PDC: variants seen among roughly 807,000 people sequenced by gnomAD.
The protein encoded by PDC is phosducin, also known as 33 kDa phototransducing protein.
A neutral mutation model predicts 22.2 loss-of-function variants in PDC; 19 were observed. That is an observed-to-expected ratio of 0.86 (90% CI 0.60 to 1.26). The LOEUF is 1.26. Ranked by LOEUF, PDC falls within the 50% of genes most tolerant of loss-of-function variation. The probability of loss-of-function intolerance (pLI) is 0.00; values close to 1 mark genes in which losing one functional copy is unlikely to be tolerated. For synonymous variants in PDC, 97 were observed against 96.2 expected (o/e 1.01, Z -0.05); for missense variants, 274 against 286.8 (o/e 0.96, Z 0.32).
Position 186,443,883 on chromosome 1 carries a change from T to G in PDC, c.*96A>C. The G allele has an allele frequency of 2.4e-6, 2 of 848,710 alleles. No homozygotes were observed. Among genetic ancestry groups the G allele is most frequent in the Non-Finnish European group, 3.8e-6 (2 of 527,164 alleles). The allele number at this position is 848,710 out of a possible 1,614,324, so 52.6% of individuals were successfully genotyped here. A position where few individuals can be genotyped will look rare whatever the true frequency, so the allele number is the denominator to read the frequency against. On this transcript the variant is annotated 3_prime_UTR_variant, in exon 4 of 4. Coordinates refer to ENST00000391997, the MANE Select transcript of PDC (RefSeq NM_002597.5). Reference sequence around the variant, plus strand: ...CATTTTTGTCAAGTTAGCATAGCCGTGCCCATACTCTGTGTTCACTAAAGC... The same window carrying G: ...CATTTTTGTCAAGTTAGCATAGCCGGGCCCATACTCTGTGTTCACTAAAGC...
chr1:186,447,155 A>ATT lies in PDC; in HGVS notation c.62-580_62-579dup, dbSNP rs66503956. ...ATAGAAAGAATAGGATTGGCAGATTATTTTTTTTTTTGAGATGGAGCCTTG... is the reference window on the plus strand; with the variant it reads ...ATAGAAAGAATAGGATTGGCAGATTATTTTTTTTTTTTTGAGATGGAGCCTTG... On this transcript the variant is annotated intron_variant, in intron 2 of 3. Transcript: ENST00000391997. Among the ~76,000 whole-genome samples the ATT allele has an allele frequency of 3.8e-3, 563 of 149,084 alleles. 4 individuals carry two copies. The highest frequency in any genetic ancestry group is 0.013 in the African/African-American group (530 of 40,734).
chr1:186,459,827 A>C (rs536651785), intron 1 of PDC, among the ~76,000 whole-genome samples: 18 of 146,594 alleles, frequency 1.2e-4, no homozygotes, highest in South Asian at 6.5e-4. Context: ...AGTTAATAAA[A>C]ATACTCCATT....
chr1:186,454,168 CTTTTTTTTT>C (rs397860509), intron 1 of PDC, among the ~76,000 whole-genome samples: 3 of 94,230 alleles, frequency 3.2e-5, no homozygotes, highest in African/African-American at 1.3e-4. Context: ...TCTTTTCTTT[CTTTTTTTTT>C]TTTTTTTTTT....
intron 1 of PDC, among the ~76,000 whole-genome samples, chr1:186,455,797 T>TA (rs71104862): frequency 0.014 from 537 of 39,242 alleles, 13 homozygotes; most frequent in East Asian, 0.02. Context: ...CCGTCTCTAC[T>TA]AAAAAAAAAA....
rs80116466 is a variant in PDC at position 186,443,737 on chromosome 1, A to T, written c.*242T>A. 7,864 of 419,294 alleles carry T rather than the reference A, an allele frequency of 0.019. 532 individuals are homozygous for T. The highest frequency in any genetic ancestry group is 0.14 in the African/African-American group (7,201 of 49,970). 26.0% of individuals were successfully genotyped at this position (419,294 alleles called of 1,614,324 possible). On this transcript the variant is annotated 3_prime_UTR_variant, in exon 4 of 4. Transcript: ENST00000391997. ...GATTTTTGAAAAATGTCATAATATT[A>T]TCCACATCCTCTTTGTCTACTAATA... is the stretch of plus-strand genomic sequence containing the variant.
intron 2 of PDC, chr1:186,448,805 C>T (rs149727627): frequency 4.9e-6 from 1 of 204,244 alleles, no homozygotes; most frequent in African/African-American, 2.4e-5. Context: ...GAGGAAATTA[C>T]CATTCAAATA....
chr1:186,454,371 G>A (rs576238992), intron 1 of PDC, among the ~76,000 whole-genome samples: 2 of 151,780 alleles, frequency 1.3e-5, no homozygotes, highest in Non-Finnish European at 2.9e-5. Flanking sequence ...TAGACACGGG[G>A]TTTCACCATG....
chr1:186,453,692 A>G (rs745637894), intron 1 of PDC, among the ~76,000 whole-genome samples: 1 of 152,186 alleles, frequency 6.6e-6, no homozygotes, highest in Non-Finnish European at 1.5e-5. Flanking sequence ...TGTACCTCTT[A>G]TAATCGTTTC....
intron 1 of PDC, chr1:186,451,372 C>G (rs193121333): frequency 2.6e-5 from 4 of 152,212 alleles, no homozygotes; most frequent in Admixed American, 2.0e-4. Flanking sequence ...TACAGAAAAG[C>G]CATCTTATTA....
chr1:186,447,393 C>T (rs1352120672), intron 2 of PDC, among the ~76,000 whole-genome samples: 2 of 152,092 alleles, frequency 1.3e-5, no homozygotes, highest in Non-Finnish European at 2.9e-5. Flanking sequence ...AAGTAATCTG[C>T]CCACCTCAGC....
chr1:186,443,712 G>A lies in PDC; in HGVS notation c.*267C>T, dbSNP rs1313330689. ...AAAAGACAAAACATAACTTGAAAGG[G>A]ATTTTTGAAAAATGTCATAATATTA... On this transcript the variant is annotated 3_prime_UTR_variant, in exon 4 of 4. Transcript: ENST00000391997. 1 of 317,872 alleles carries A rather than the reference G, an allele frequency of 3.1e-6. No individual in the cohort carries two copies. The highest frequency in any genetic ancestry group is 5.7e-6 in the Non-Finnish European group (1 of 173,920). The allele number at this position is 317,872 out of a possible 1,614,324, so 19.7% of individuals were successfully genotyped here. A position where few individuals can be genotyped will look rare whatever the true frequency, so the allele number is the denominator to read the frequency against.
At chr1:186,444,563 A>G (rs914817885) in intron 3 of PDC, 57 bp from the exon 4 acceptor site, 20 of 1,179,626 alleles carry the variant, frequency 1.7e-5, no homozygotes, top group Admixed American at 4.3e-5. Context: ...CCTTAGATAT[A>G]CCAAGCCCAT....
rs935840263 is a variant in PDC at position 186,449,850 on chromosome 1, G to A, written c.-24-367C>T. Among the ~76,000 whole-genome samples the A allele has an allele frequency of 6.6e-5, 10 of 151,802 alleles. 1 individual carries two copies. Among genetic ancestry groups the A allele is most frequent in the South Asian group, 6.2e-4 (3 of 4,804 alleles). On this transcript the variant is annotated intron_variant, in intron 1 of 3. Coordinates refer to ENST00000391997, the MANE Select transcript of PDC (RefSeq NM_002597.5). ...ATTATGTGAAATTTGAATATATGACGTAATATATGTTACTTATTTCATATA... is the reference window on the plus strand; with the variant it reads ...ATTATGTGAAATTTGAATATATGACATAATATATGTTACTTATTTCATATA...
chr1:186,451,593 A>C (rs1420286944), intron 1 of PDC: 2 of 152,230 alleles, frequency 1.3e-5, no homozygotes, highest in African/African-American at 4.8e-5. Flanking sequence ...GTAAATATAC[A>C]TAAGTTCAAG....
At chr1:186,448,623 C>A (rs999942395) in intron 2 of PDC, 1 of 818,672 alleles carries the variant, frequency 1.2e-6, no homozygotes, top group Admixed American at 6.2e-5. Context: ...AATGAATTTA[C>A]CAACCTTTTC....
rs567249359 is a variant in PDC at position 186,450,870 on chromosome 1, A to G, written c.-24-1387T>C. Among the ~76,000 whole-genome samples, 68 of 152,336 alleles carry G rather than the reference A, an allele frequency of 4.5e-4. No individual in the cohort carries two copies. In the South Asian group the frequency reaches 8.1e-3, roughly 18 times the overall value. On this transcript the variant is annotated intron_variant, in intron 1 of 3. Coordinates refer to ENST00000391997, the MANE Select transcript of PDC (RefSeq NM_002597.5). ...AGTTGTGATTTTCCTGAAGTTTTCA[A>G]GTCAGGGAGGATATACTAATCGTAG...
intron 1 of PDC, among the ~76,000 whole-genome samples, chr1:186,454,415 G>A (rs1183136511): frequency 5.3e-5 from 8 of 151,700 alleles, no homozygotes; most frequent in South Asian, 2.1e-4. Flanking sequence ...CTGACCTTGC[G>A]ATCCACCCTC....
rs1209759372 is a variant in PDC, at chr1:186,461,000, T to C, written c.-25+59A>G. On this transcript the variant is annotated intron_variant, in intron 1 of 3. Transcript: ENST00000391997. ...ATACATAAACAGTGAATCACCATTC[T>C]TTCCCCTAAGGTAAAATTTTTAAAA... 1.4e-4 allele frequency: 22 copies of C among 154,722 alleles called. No individual in the cohort carries two copies. The Admixed American group carries it at 1.4e-3, about 10-fold the overall frequency. 9.6% of individuals were successfully genotyped at this position (154,722 alleles called of 1,614,324 possible). A position where few individuals can be genotyped will look rare whatever the true frequency, so the allele number is the denominator to read the frequency against.
At chr1:186,452,240 T>A (rs1167835473) in intron 1 of PDC, among the ~76,000 whole-genome samples, 1 of 151,566 alleles carries the variant, frequency 6.6e-6, no homozygotes, top group Non-Finnish European at 1.5e-5. Context: ...ATACAATTAA[T>A]TTTTTTTTGT....
Sources: gnomAD v4.1 joint callset for allele counts (sites outside exome capture counted in the v4.1 genomes callset) on GRCh38, gnomAD v4.1.1 for gene constraint, MANE v1.5 for transcripts, NCBI Gene and HGNC (gene_info 2026-07-23, HGNC 2026-07-21) for gene names.